Variants in ZNF184 observed in about 807,000 individuals in gnomAD.
ZNF184 encodes the protein zinc finger protein 184 (Kruppel-like).
ZNF184 carries 16 observed loss-of-function variants against 54.4 expected under a neutral mutation model. The ratio of observed to expected loss-of-function variants is 0.29; its 90% CI spans 0.20 to 0.45. ZNF184 has a LOEUF of 0.45. Among genes scored for constraint, ZNF184 ranks in the 20% least tolerant of loss-of-function variants. The probability of loss-of-function intolerance (pLI) is 1.00; values close to 1 mark genes in which losing one functional copy is unlikely to be tolerated. For missense variants in ZNF184, 681 were observed against 888.2 expected (o/e 0.77, Z 2.97); for synonymous variants, 254 against 295.3 (o/e 0.86, Z 1.43).
the ZNF184 span, among the ~76,000 whole-genome samples, chr6:27,423,047 C>T: frequency 6.6e-6 from 1 of 152,348 alleles, no homozygotes; most frequent in East Asian, 1.9e-4. Context: ...GAAGTGGCCT[C>T]GGAGGGAGGC....
the ZNF184 span, among the ~76,000 whole-genome samples, chr6:27,428,505 A>G: frequency 3.3e-5 from 5 of 152,248 alleles, no homozygotes; most frequent in Non-Finnish European, 7.3e-5. This position sits in a 1 kb window ranked among gnomAD's most constrained non-coding sequence, Gnocchi z 4.1. Flanking sequence ...CTGGGACACA[A>G]GACATGTCTG....
At chr6:27,423,961 T>C in the ZNF184 span, among the ~76,000 whole-genome samples, 1 of 152,216 alleles carries the variant, frequency 6.6e-6, no homozygotes, top group African/African-American at 2.4e-5. Context: ...GTAAAATTAT[T>C]TTATTAGTTG....
At chr6:27,443,946 C>T in the ZNF184 span, among the ~76,000 whole-genome samples, 3 of 152,148 alleles carry the variant, frequency 2.0e-5, no homozygotes, top group Non-Finnish European at 4.4e-5. Flanking sequence ...TTTCAGCTTA[C>T]TCCACTCCTG....
intron 3 of ZNF184, among the ~76,000 whole-genome samples, chr6:27,458,709 C>T (rs957628912): frequency 3.4e-4 from 51 of 152,216 alleles, no homozygotes; most frequent in African/African-American, 1.2e-3. Context: ...CCATATGATC[C>T]AGCAATCCCG....
the ZNF184 span, among the ~76,000 whole-genome samples, chr6:27,435,592 A>G: frequency 6.6e-6 from 1 of 152,152 alleles, no homozygotes; most frequent in Non-Finnish European, 1.5e-5. Context: ...AAACAGAGAT[A>G]ATTTTACTTC....
rs1363767575 is a variant in ZNF184, at chr6:27,472,979, T to TC, written c.-391dup. On this transcript the variant is annotated 5_prime_UTR_variant, in exon 1 of 6. It removes the in-frame stop codon of an upstream open reading frame in the 5' UTR. Coordinates refer to ENST00000683788, the MANE Select transcript of ZNF184 (RefSeq NM_001318891.2). This position sits in a 1 kb window ranked among gnomAD's most constrained non-coding sequence, Gnocchi z 4.8. ...GCTGTTGCCATGGTGATACCTGAGC[T>TC]CCCCTCCCCCTATAGCGATCCACAC... The TC allele has an allele frequency of 6.6e-6, 1 of 150,876 alleles. No homozygotes were observed. The highest frequency in any genetic ancestry group is 1.5e-5 in the Non-Finnish European group (1 of 67,812). The allele number at this position is 150,876 out of a possible 1,614,324, so 9.3% of individuals were successfully genotyped here.
the ZNF184 span, among the ~76,000 whole-genome samples, chr6:27,423,346 T>G: frequency 2.0e-5 from 3 of 152,212 alleles, no homozygotes; most frequent in African/African-American, 7.2e-5. Context: ...TTTCATTTCT[T>G]TTTCTAACAA....
the ZNF184 span, among the ~76,000 whole-genome samples, chr6:27,429,376 C>G: frequency 6.6e-6 from 1 of 152,228 alleles, no homozygotes; most frequent in Non-Finnish European, 1.5e-5. Flanking sequence ...CATTCTTTCT[C>G]AGCTTCACTG....
chr6:27,436,008 T>C, the ZNF184 span, among the ~76,000 whole-genome samples: 4 of 150,998 alleles, frequency 2.6e-5, no homozygotes, highest in Admixed American at 2.6e-4. Context: ...GCTAAATAGA[T>C]AGTGGGCCCA....
At chr6:27,424,417 G>GC in the ZNF184 span, among the ~76,000 whole-genome samples, 1 of 152,116 alleles carries the variant, frequency 6.6e-6, no homozygotes, top group Non-Finnish European at 1.5e-5. Context: ...CTCTTATCTG[G>GC]CCCCACCCAC....
the ZNF184 span, among the ~76,000 whole-genome samples, chr6:27,440,959 C>A: frequency 6.6e-5 from 10 of 151,858 alleles, no homozygotes; most frequent in African/African-American, 2.2e-4. Flanking sequence ...GAGCCGAGAT[C>A]GCGCCACTGC....
At chr6:27,423,750 G>A in the ZNF184 span, among the ~76,000 whole-genome samples, 1 of 152,138 alleles carries the variant, frequency 6.6e-6, no homozygotes, top group Non-Finnish European at 1.5e-5. Context: ...AAGATTATGT[G>A]TATTAGGTTT....
the ZNF184 span, among the ~76,000 whole-genome samples, chr6:27,410,656 C>T: frequency 2.0e-5 from 3 of 152,244 alleles, no homozygotes; most frequent in South Asian, 2.1e-4. Flanking sequence ...CTCAGCTTCC[C>T]GAGTAGCTGA....
In ZNF184 at chr6:27,452,927, T is replaced by G; in HGVS notation, c.632A>C (p.Gln211Pro). Residue 211 changes from glutamine (Q) to proline (P), a missense_variant, in exon 6 of 6, where the codon CAG becomes CCG. Coordinates refer to ENST00000683788, the MANE Select transcript of ZNF184 (RefSeq NM_001318891.2). The surrounding 1 kb of genome is among the most constrained non-coding windows in gnomAD (Gnocchi z 5.5). ...CTCTTTTTTAACTGGGTTTGAATTC[T>G]GTTTGATGCTTCTTTTAGTAGAGGT... ...EETSTKRSIKQNSNPVKKEKS... is the reference protein window; with the variant it reads ...EETSTKRSIKPNSNPVKKEKS... The G allele has an allele frequency of 6.2e-7, 1 of 1,614,190 alleles. No individual in the cohort carries two copies. Among genetic ancestry groups the G allele is most frequent in the South Asian group, 1.1e-5 (1 of 91,088 alleles).
chr6:27,413,856 T>C, the ZNF184 span, among the ~76,000 whole-genome samples: 3 of 152,210 alleles, frequency 2.0e-5, no homozygotes, highest in Non-Finnish European at 4.4e-5. Flanking sequence ...AAACTGGACC[T>C]TTCTTCCATT....
At chr6:27,430,116 G>A in the ZNF184 span, among the ~76,000 whole-genome samples, 1 of 152,156 alleles carries the variant, frequency 6.6e-6, no homozygotes, top group African/African-American at 2.4e-5. Flanking sequence ...TCTCATTCTT[G>A]ATGACAAGAA....
At chr6:27,418,726 G>T in the ZNF184 span, among the ~76,000 whole-genome samples, 1 of 151,866 alleles carries the variant, frequency 6.6e-6, no homozygotes, top group South Asian at 2.1e-4. Context: ...TTTTAAAATT[G>T]ATTTATAAAC....
At chr6:27,464,736 G>A (rs904954323) in intron 3 of ZNF184, among the ~76,000 whole-genome samples, 4 of 152,042 alleles carry the variant, frequency 2.6e-5, no homozygotes, top group Admixed American at 6.6e-5. Flanking sequence ...GCAAAACCCG[G>A]CCGGGCACAG....
the ZNF184 span, among the ~76,000 whole-genome samples, chr6:27,437,836 T>C: frequency 6.6e-6 from 1 of 152,236 alleles, no homozygotes; most frequent in African/African-American, 2.4e-5. Flanking sequence ...CTACTTATCC[T>C]GGACATTTTG....
Sources: allele counts gnomAD v4.1 joint callset (sites outside exome capture counted in the v4.1 genomes callset), GRCh38; gene constraint gnomAD v4.1.1; non-coding constraint Gnocchi (gnomAD v3.1); transcripts MANE v1.5; gene names NCBI Gene and HGNC (gene_info 2026-07-23, HGNC 2026-07-21).